The following ZNF91 variants were observed in gnomAD, a reference collection of about 807,000 sequenced individuals.
The protein encoded by ZNF91 is zinc finger protein 91 (HPF7, HTF10).
Under a neutral mutation model 12.6 loss-of-function variants are expected in ZNF91, and 7 were observed. The ratio of observed to expected loss-of-function variants is 0.55; its 90% CI spans 0.31 to 1.04. ZNF91 has a LOEUF of 1.04. ZNF91 is among the 50% of genes least tolerant of loss of function. ZNF91 has a pLI of 0.05. For synonymous variants in ZNF91, 453 were observed against 462.6 expected, an observed-to-expected ratio of 0.98 and a Z score of 0.27; for missense variants, 1,217 against 1,385.4, an observed-to-expected ratio of 0.88 and a Z score of 1.93.
At chr19:23,346,964 A>G (rs961024091) in intron 3 of ZNF91, among the ~76,000 whole-genome samples, 5 of 152,262 alleles carry the variant, frequency 3.3e-5, no homozygotes, top group African/African-American at 1.2e-4. Context: ...AAGATCCTAC[A>G]TACTTCTGTA....
At chr19:23,327,438 TGG>T (rs1967857989) in intron 1 of ZNF91, 1 of 152,252 alleles carries the variant, frequency 6.6e-6, no homozygotes, top group Non-Finnish European at 1.5e-5. Flanking sequence ...AACATTTGAA[TGG>T]GTTTTTTTTG....
chr19:23,365,447 A>C (rs1253132873), intron 3 of ZNF91, among the ~76,000 whole-genome samples: 1 of 152,190 alleles, frequency 6.6e-6, no homozygotes, highest in Admixed American at 6.5e-5. Context: ...TAACAATAAG[A>C]AATGCTGAAA....
In ZNF91 at chr19:23,359,667, T is replaced by C; in HGVS notation, c.3312A>G (p.Lys1104=). Residue 1104 remains lysine, a synonymous_variant, in exon 4 of 4, where the codon AAA becomes AAG. Transcript: ENST00000300619. ...TGCCACATTCTCCACATTTGTAGGG[T>C]TTCTCTCCGGTGTGCAACCTCTTAT... ...TRHKRLHTGE[K]PYKCGECGKA... is the part of the protein sequence containing the mutation. 6.2e-7 allele frequency: 1 copy of C among 1,614,032 alleles called. No individual in the cohort carries two copies. Among genetic ancestry groups the C allele is most frequent in the Non-Finnish European group, 8.5e-7 (1 of 1,179,992 alleles).
chr19:23,383,233 A>C (rs1969775881), intron 1 of ZNF91, among the ~76,000 whole-genome samples: 1 of 152,226 alleles, frequency 6.6e-6, no homozygotes, highest in Non-Finnish European at 1.5e-5. Context: ...GAACTACTAA[A>C]GACAGAAACC....
intron 3 of ZNF91, among the ~76,000 whole-genome samples, chr19:23,340,660 T>G (rs912664302): frequency 6.6e-6 from 1 of 151,858 alleles, no homozygotes; most frequent in Non-Finnish European, 1.5e-5. Flanking sequence ...AAACTCTTCC[T>G]AAGTCACTCA....
At chr19:23,311,749 GC>G (rs1169015543), upstream of ZNF91, among the ~76,000 whole-genome samples, 2 of 152,096 alleles carry the variant, frequency 1.3e-5, no homozygotes, top group Non-Finnish European at 1.5e-5. Context: ...TTCCTGCCTG[GC>G]CCCCACGTAT....
At chr19:23,319,174 TGGGCTCTGACCAAGG>T (rs1057344626) in intron 1 of ZNF91, among the ~76,000 whole-genome samples, 2 of 152,212 alleles carry the variant, frequency 1.3e-5, no homozygotes, top group African/African-American at 2.4e-5. Context: ...TTCTACTTCT[TGGGCTCTGACCAAGG>T]AGGTATTGTG....
intron 3 of ZNF91, among the ~76,000 whole-genome samples, chr19:23,370,052 T>C (rs1046089926): frequency 9.3e-5 from 14 of 149,964 alleles, no homozygotes; most frequent in African/African-American, 2.9e-4. Flanking sequence ...ACAAAACTTA[T>C]ATTGATTGTT....
At chr19:23,316,151 C>A (rs1967553359) in intron 1 of ZNF91, among the ~76,000 whole-genome samples, 1 of 150,032 alleles carries the variant, frequency 6.7e-6, no homozygotes. Flanking sequence ...CTTGACCCAG[C>A]ATCTAGGTGA....
At chr19:23,323,787 TTCC>T (rs1476868662) in intron 1 of ZNF91, among the ~76,000 whole-genome samples, 10 of 150,910 alleles carry the variant, frequency 6.6e-5, no homozygotes, top group African/African-American at 2.2e-4. Flanking sequence ...CTCTTTCTTC[TTCC>T]TCCTTCTCCT....
chr19:23,326,237 A>AGGC (rs1221973153), intron 1 of ZNF91: 40 of 152,236 alleles, frequency 2.6e-4, no homozygotes, highest in Admixed American at 1.8e-3. Flanking sequence ...ATCTGTTAAC[A>AGGC]TGTTTCTCCC....
intron 1 of ZNF91, among the ~76,000 whole-genome samples, chr19:23,323,465 G>C (rs1347398210): frequency 8.3e-6 from 1 of 121,188 alleles, no homozygotes; most frequent in Non-Finnish European, 1.7e-5. Context: ...CTACTTCTCT[G>C]TCCTCTTCTC....
rs1306701371 is a variant in ZNF91, at chr19:23,362,584, C to T, written c.395G>A (p.Cys132Tyr). ...ATTATAACCTTCTTTGTGCACCTTACACTCATCCACACTTTTACAACCTTT... is the reference window on the plus strand; with the variant it reads ...ATTATAACCTTCTTTGTGCACCTTATACTCATCCACACTTTTACAACCTTT... The part of the protein sequence containing the change: ...LRKGCKSVDE[C>Y]KVHKEGYNKL... Residue 132 changes from cysteine (C) to tyrosine (Y), a missense_variant, in exon 4 of 4, where the codon TGT becomes TAT. Cys to Tyr is a radical substitution (Grantham distance 194). Transcript: ENST00000300619. The T allele has an allele frequency of 6.2e-7, 1 of 1,600,720 alleles. No individual in the cohort carries two copies. The highest frequency in any genetic ancestry group is 8.5e-7 in the Non-Finnish European group (1 of 1,175,872).
intron 1 of ZNF91, among the ~76,000 whole-genome samples, chr19:23,386,714 AC>A (rs1969885140): frequency 2.0e-5 from 3 of 152,210 alleles, no homozygotes; most frequent in Admixed American, 1.3e-4. Context: ...CTGGAAGATA[AC>A]CAAAGAAATA....
chr19:23,337,059 CAG>C (rs1306102780), downstream of ZNF91, among the ~76,000 whole-genome samples: 1 of 152,060 alleles, frequency 6.6e-6, no homozygotes, highest in Non-Finnish European at 1.5e-5. Context: ...GTGGTGAAGT[CAG>C]GGCTTTTATG....
chr19:23,322,693 G>A (rs1046040930), intron 1 of ZNF91, among the ~76,000 whole-genome samples: 3 of 143,770 alleles, frequency 2.1e-5, no homozygotes, highest in Admixed American at 7.0e-5. Context: ...ATTCCTTTTC[G>A]TCTTCTCCTC....
intron 1 of ZNF91, among the ~76,000 whole-genome samples, chr19:23,390,812 A>C (rs1440748955): frequency 1.3e-5 from 2 of 152,200 alleles, no homozygotes; most frequent in Admixed American, 1.3e-4. Context: ...TCCTGAGCTC[A>C]GGCAATCCAC....
intron 3 of ZNF91, among the ~76,000 whole-genome samples, chr19:23,344,745 C>CAGG (rs1968188096): frequency 2.0e-5 from 3 of 152,136 alleles, no homozygotes; most frequent in Non-Finnish European, 2.9e-5. Flanking sequence ...AAGATTCTCC[C>CAGG]GAAAACTTAA....
chr19:23,355,096 G>A (rs933651111), downstream of ZNF91, among the ~76,000 whole-genome samples: 1 of 152,084 alleles, frequency 6.6e-6, no homozygotes, highest in African/African-American at 2.4e-5. Flanking sequence ...TCTTCACAGA[G>A]TTAGAAAAAA....
Sources: allele counts gnomAD v4.1 joint callset (sites outside exome capture counted in the v4.1 genomes callset), GRCh38; gene constraint gnomAD v4.1.1; transcripts MANE v1.5; gene names NCBI Gene and HGNC (gene_info 2026-07-23, HGNC 2026-07-21).